The following RSPH14 variants were observed in gnomAD, a reference collection of about 807,000 sequenced individuals.
The protein encoded by RSPH14 is radial spoke head 14 homolog.
A neutral mutation model predicts 26.7 loss-of-function variants in RSPH14; 20 were observed. The ratio of observed to expected loss-of-function variants is 0.75; its 90% CI spans 0.53 to 1.09. RSPH14 has a LOEUF of 1.09. RSPH14 is among the 50% of genes least tolerant of loss of function. The pLI is 0.00. For synonymous variants in RSPH14, 177 were observed against 189.3 expected (o/e 0.93, Z 0.53); for missense variants, 449 against 457.2 (o/e 0.98, Z 0.16).
At chr22:23,098,063 A>G (rs1306489027) in intron 4 of RSPH14, among the ~76,000 whole-genome samples, 1 of 152,204 alleles carries the variant, frequency 6.6e-6, no homozygotes, top group Non-Finnish European at 1.5e-5. Context: ...CAGTGAGGAG[A>G]TGACCCAGGT....
intron 4 of RSPH14, chr22:23,122,767 C>A (rs908551394): frequency 5.7e-6 from 2 of 353,938 alleles, no homozygotes; most frequent in Non-Finnish European, 1.0e-5. Context: ...AGGTGCCCAG[C>A]GGTTTAGGAG....
chr22:23,155,882 A>C, the RSPH14 span: 1 of 1,290,382 alleles, frequency 7.7e-7, no homozygotes, highest in Non-Finnish European at 1.1e-6. Context: ...AGGGTCTCCC[A>C]CCCATGGTCC....
At chr22:23,123,648 C>T in intron 4 of RSPH14, 1 of 570,812 alleles carries the variant, frequency 1.8e-6, no homozygotes, top group Non-Finnish European at 3.1e-6. Context: ...CACACACACA[C>T]ATCTGGAGAT....
the RSPH14 span, among the ~76,000 whole-genome samples, chr22:23,177,845 C>T: frequency 6.6e-6 from 1 of 152,344 alleles, no homozygotes; most frequent in East Asian, 1.9e-4. Context: ...GTTACCCAGG[C>T]TGGAGTGCAG....
At chr22:23,125,453 G>A (rs930728634) in intron 4 of RSPH14, among the ~76,000 whole-genome samples, 3 of 152,190 alleles carry the variant, frequency 2.0e-5, no homozygotes, top group Admixed American at 6.5e-5. Flanking sequence ...CCCCAGTAGT[G>A]TAGGGCAAAC....
upstream of RSPH14, chr22:23,145,253 CG>C (rs2146467598): frequency 2.3e-5 from 20 of 857,106 alleles, no homozygotes; most frequent in East Asian, 5.6e-5. Context: ...CCCCGCCCAC[CG>C]CCCACCCATC....
intron 4 of RSPH14, among the ~76,000 whole-genome samples, chr22:23,079,403 G>A (rs1210473983): frequency 6.6e-6 from 1 of 152,156 alleles, no homozygotes; most frequent in Non-Finnish European, 1.5e-5. Flanking sequence ...CACAGGCCCT[G>A]AGTTAAGAGT....
chr22:23,116,549 AG>A (rs2069841508), intron 4 of RSPH14, among the ~76,000 whole-genome samples: 1 of 152,242 alleles, frequency 6.6e-6, no homozygotes, highest in African/African-American at 2.4e-5. Context: ...CCTGTGAGGC[AG>A]GGACAGGAAG....
chr22:23,109,527 A>C (rs933987503), intron 4 of RSPH14, among the ~76,000 whole-genome samples: 6 of 152,140 alleles, frequency 3.9e-5, no homozygotes, highest in African/African-American at 1.4e-4. Flanking sequence ...GAGCATGGGT[A>C]CCCAGGGCCT....
chr22:23,150,462 C>T, the RSPH14 span, among the ~76,000 whole-genome samples: 4 of 151,986 alleles, frequency 2.6e-5, no homozygotes, highest in East Asian at 1.9e-4. Context: ...CCACCACGCC[C>T]GGCTAATTTT....
intron 1 of RSPH14, 42 bp from the exon 2 acceptor site, chr22:23,140,514 T>G (rs1318369895): frequency 5.3e-6 from 8 of 1,513,324 alleles, no homozygotes; most frequent in South Asian, 2.5e-5. Context: ...TATTATGATT[T>G]AAAAGCTACT....
At chr22:23,162,914 CTTT>C in the RSPH14 span, 26 of 303,776 alleles carry the variant, frequency 8.6e-5, no homozygotes, top group Middle Eastern at 9.8e-4. Context: ...ATATAAATGA[CTTT>C]TTTTTTTTTT....
Position 23,064,875 on chromosome 22 carries a change from T to C in RSPH14, c.422-742A>G, listed in dbSNP as rs548541677. On this transcript the variant is annotated intron_variant, in intron 4 of 6. Transcript: ENST00000216036. ...CAGCTCCCTTCCCTCCTGAGGAATG[T>C]CAGCATGTGATTGCCTAGAGAACCC... Among the ~76,000 whole-genome samples, 32 of 152,208 alleles carry C rather than the reference T, an allele frequency of 2.1e-4. 1 individual carries two copies. In the South Asian group the frequency reaches 6.0e-3, roughly 29 times the overall value.
chr22:23,120,495 G>GC (rs2069985109), intron 4 of RSPH14, among the ~76,000 whole-genome samples: 1 of 152,092 alleles, frequency 6.6e-6, no homozygotes, highest in African/African-American at 2.4e-5. Flanking sequence ...AACTGTTTCC[G>GC]CATCAGTGAG....
chr22:23,142,913 T>C (rs149005797), upstream of RSPH14, among the ~76,000 whole-genome samples: 523 of 152,270 alleles, frequency 3.4e-3, 3 homozygotes, highest in Non-Finnish European at 5.6e-3. Flanking sequence ...CATGCCAGAC[T>C]CTCTCTTAAC....
the RSPH14 span, chr22:23,161,546 C>T: frequency 6.2e-7 from 1 of 1,611,990 alleles, no homozygotes; most frequent in Non-Finnish European, 8.5e-7. Context: ...AGAGGCCCTC[C>T]AGCCTGGGCT....
At chr22:23,107,146 C>T (rs1227247580) in intron 4 of RSPH14, among the ~76,000 whole-genome samples, 1 of 152,218 alleles carries the variant, frequency 6.6e-6, no homozygotes, top group Non-Finnish European at 1.5e-5. Flanking sequence ...CCAGGCTTAG[C>T]TGGTGCTGTT....
At position 23,071,152 on chromosome 22, in the gene RSPH14, C is replaced by G. The variant is rs554205605; in HGVS notation, c.422-7019G>C. ...GGCATTTAGAGGAAGAGATGAGTAT[C>G]GACCTGCTGCGATTGTAATACGTTC... is the stretch of plus-strand genomic sequence containing the variant. On this transcript the variant is annotated intron_variant, in intron 4 of 6. Transcript: ENST00000216036. This position sits in a 1 kb window ranked among gnomAD's most constrained non-coding sequence, Gnocchi z 4.1. Among the ~76,000 whole-genome samples, 4 of 152,244 alleles carry G rather than the reference C, an allele frequency of 2.6e-5. No individual in the cohort carries two copies. Among genetic ancestry groups the G allele is most frequent in the African/African-American group, 7.2e-5 (3 of 41,554 alleles).
chr22:23,088,894 C>T (rs1863883508), intron 4 of RSPH14, among the ~76,000 whole-genome samples: 1 of 152,230 alleles, frequency 6.6e-6, no homozygotes, highest in Non-Finnish European at 1.5e-5. Context: ...AGGTGGCCAT[C>T]TGAGTGGCTT....
Sources: allele counts gnomAD v4.1 joint callset (sites outside exome capture counted in the v4.1 genomes callset), GRCh38; gene constraint gnomAD v4.1.1; non-coding constraint Gnocchi (gnomAD v3.1); transcripts MANE v1.5; gene names NCBI Gene and HGNC (gene_info 2026-07-23, HGNC 2026-07-21).